Variants in CHM observed in about 807,000 individuals in gnomAD.
CHM encodes the protein CHM Rab escort protein, also known as rab proteins geranylgeranyltransferase component A 1.
In CHM, 10 loss-of-function variants were observed where a neutral mutation model predicts 49.0. The observed-to-expected ratio is 0.20, with a 90% CI of 0.13 to 0.35. The LOEUF is 0.35. Among genes scored for constraint, CHM ranks in the 10% least tolerant of loss-of-function variants. The probability of loss-of-function intolerance (pLI) is 1.00; values close to 1 mark genes in which losing one functional copy is unlikely to be tolerated. For missense variants in CHM, 455 were observed against 478.4 expected, an observed-to-expected ratio of 0.95 and a Z score of 0.46; for synonymous variants, 184 against 167.5, an observed-to-expected ratio of 1.10 and a Z score of -0.76.
Position 85,907,024 on chromosome X carries a change from G to A in CHM, c.1244+4237C>T, listed in dbSNP as rs12116376. Among the ~76,000 whole-genome samples, 4 of 110,659 alleles carry A rather than the reference G, an allele frequency of 3.6e-5. No individual in the cohort carries two copies. In the Admixed American group the frequency reaches 3.8e-4, roughly 11 times the overall value. On this transcript the variant is annotated intron_variant, in intron 9 of 14. Coordinates refer to ENST00000357749, the MANE Select transcript of CHM (RefSeq NM_000390.4). ...ACGGGCCTGTAATCCCAGCTACTAG[G>A]GGGGCTGAGGCAGGAGAATCGCTTG...
At chrX:85,970,859 A>T (rs2147689737) in intron 4 of CHM, 1 of 586,794 alleles carries the variant, frequency 1.7e-6, no homozygotes, top group Non-Finnish European at 2.1e-6. Context: ...CTCTGATAAA[A>T]CAATCTGGAT....
intron 12 of CHM, among the ~76,000 whole-genome samples, chrX:85,886,419 T>G (rs1925091010): frequency 8.9e-6 from 1 of 111,944 alleles, no homozygotes; most frequent in Non-Finnish European, 1.9e-5. Context: ...TAAAAGAGAT[T>G]TGGAAGTAAA....
intron 2 of CHM, among the ~76,000 whole-genome samples, chrX:85,998,473 T>A (rs188771599): frequency 8.0e-5 from 9 of 112,079 alleles, no homozygotes; most frequent in Non-Finnish European, 1.5e-4. Context: ...AACATCCTGA[T>A]GTACCCACAA....
chrX:85,940,337 T>C (rs1201443837), intron 8 of CHM, among the ~76,000 whole-genome samples: 2 of 111,945 alleles, frequency 1.8e-5, no homozygotes, highest in African/African-American at 6.5e-5. Context: ...CCTTTCAACA[T>C]TGAACTAGTT....
At chrX:85,976,867 CACACACAA>C (rs1272163259) in intron 4 of CHM, among the ~76,000 whole-genome samples, 20 of 66,687 alleles carry the variant, frequency 3.0e-4, no homozygotes, top group Admixed American at 7.8e-4. Context: ...AGGGGGAAAA[CACACACAA>C]ACACACACAC....
chrX:86,021,219 C>T (rs1447107538), intron 2 of CHM, among the ~76,000 whole-genome samples: 1 of 94,358 alleles, frequency 1.1e-5, no homozygotes, highest in Non-Finnish European at 2.1e-5. Flanking sequence ...GGGTCCCAAG[C>T]ATTTCAGATA....
intron 1 of CHM, among the ~76,000 whole-genome samples, chrX:86,040,518 A>C (rs190425983): frequency 2.2e-4 from 25 of 112,641 alleles, no homozygotes; most frequent in Admixed American, 2.1e-3. Context: ...TGAAGGGGTC[A>C]GGAAAATATC....
chrX:85,872,827 A>T (rs1054345030), intron 14 of CHM, among the ~76,000 whole-genome samples: 5 of 112,023 alleles, frequency 4.5e-5, no homozygotes, highest in African/African-American at 1.6e-4. Flanking sequence ...CTCATAAAAA[A>T]TCTCTGTAAC....
At chrX:85,911,164 TATATATATATGAATATATATATGA>T (rs1926952142) in intron 9 of CHM, 73 bp downstream of exon 9, 2 of 3,706 alleles carry the variant, frequency 5.4e-4, no homozygotes, top group Non-Finnish European at 8.7e-4. Flanking sequence ...TATATATATG[TATATATATATGAATATATATATGA>T]ATATATATAT....
intron 2 of CHM, among the ~76,000 whole-genome samples, chrX:85,988,453 T>A (rs1471813333): frequency 8.9e-6 from 1 of 111,803 alleles, no homozygotes; most frequent in Non-Finnish European, 1.9e-5. Context: ...AAGACAAGAA[T>A]GCCCTCTCTC....
intron 2 of CHM, among the ~76,000 whole-genome samples, chrX:86,016,046 C>T (rs774102269): frequency 9.0e-6 from 1 of 110,805 alleles, no homozygotes; most frequent in Non-Finnish European, 1.9e-5. Flanking sequence ...GGCACAAGAA[C>T]CACTTGAACC....
intron 13 of CHM, among the ~76,000 whole-genome samples, chrX:85,878,627 A>C (rs1225607313): frequency 8.9e-6 from 1 of 112,039 alleles, no homozygotes; most frequent in Non-Finnish European, 1.9e-5. Flanking sequence ...TTGTAAAATA[A>C]AGAAAATTAT....
At chrX:85,929,352 C>A (rs1043614072) in intron 8 of CHM, among the ~76,000 whole-genome samples, 3 of 112,346 alleles carry the variant, frequency 2.7e-5, no homozygotes, top group Non-Finnish European at 3.8e-5. Context: ...TCCTTAGTGG[C>A]CTTCATTGAC....
intron 13 of CHM, among the ~76,000 whole-genome samples, chrX:85,874,377 T>C (rs1924294482): frequency 9.0e-6 from 1 of 111,607 alleles, no homozygotes; most frequent in African/African-American, 3.2e-5. Flanking sequence ...AATGAATGTT[T>C]ATGAAGATTG....
chrX:85,988,184 G>A (rs1932012906), intron 2 of CHM, among the ~76,000 whole-genome samples: 1 of 112,115 alleles, frequency 8.9e-6, no homozygotes, highest in African/African-American at 3.2e-5. Context: ...TCATCCCCGG[G>A]ATGCAAGGTT....
At position 85,931,939 on chromosome X, in the gene CHM, T is replaced by C. The variant is rs187521358; in HGVS notation, c.1167-20601A>G. 1.4e-3 allele frequency among the ~76,000 whole-genome samples: 162 copies of C among 112,415 alleles called. 1 individual carries two copies. Among genetic ancestry groups the C allele is most frequent in the Non-Finnish European group, 8.4e-4 (45 of 53,286 alleles). ...TGCTTTTGTGCTTTGCTGCTTTCAG[T>C]GTCCTCATTTTTACTAGCTTGATTT... is the stretch of plus-strand genomic sequence containing the variant. On this transcript the variant is annotated intron_variant, in intron 8 of 14. Transcript: ENST00000357749.
chrX:85,887,548 T>C (rs12390400), intron 12 of CHM, among the ~76,000 whole-genome samples: 8,129 of 111,641 alleles, frequency 0.073, 683 homozygotes, highest in African/African-American at 0.25. Flanking sequence ...GCTGAAAATA[T>C]ACCTGAAAAC....
At position 85,980,500 on chromosome X, in the gene CHM, T is replaced by C. The variant is rs1392898923; in HGVS notation, c.189+1237A>G. Among the ~76,000 whole-genome samples, 12 of 112,417 alleles carry C rather than the reference T, an allele frequency of 1.1e-4. No homozygotes were observed. In the Admixed American group the frequency reaches 1.1e-3, roughly 11 times the overall value. ...CATGAGAGGCACTTTTTGAGTCATG[T>C]ATACTGATTAAGTCATGTACATTGA... On this transcript the variant is annotated intron_variant, in intron 3 of 14. Transcript: ENST00000357749.
At position 86,016,177 on chromosome X, in the gene CHM, G is replaced by A. The variant is rs182253630; in HGVS notation, c.116+11314C>T. Among the ~76,000 whole-genome samples the A allele has an allele frequency of 1.7e-3, 184 of 111,003 alleles. 1 individual carries two copies. The highest frequency in any genetic ancestry group is 6.0e-3 in the African/African-American group (183 of 30,504). The stretch of plus-strand genomic sequence containing the variant: ...AAAGGTGACTCACGTGCCGTTAAAG[G>A]CATTCAGTTTTATAAGGGAAGCAGG... On this transcript the variant is annotated intron_variant, in intron 2 of 14. Coordinates refer to ENST00000357749, the MANE Select transcript of CHM (RefSeq NM_000390.4).
Sources: gnomAD v4.1 joint callset for allele counts (sites outside exome capture counted in the v4.1 genomes callset) on GRCh38, gnomAD v4.1.1 for gene constraint, MANE v1.5 for transcripts, NCBI Gene and HGNC (gene_info 2026-07-23, HGNC 2026-07-21) for gene names.